The following SLC28A1 variants were observed in gnomAD, a reference collection of about 807,000 sequenced individuals.
SLC28A1 encodes solute carrier family 28 member 1.
SLC28A1 carries 64 observed loss-of-function variants against 74.8 expected under a neutral mutation model. The observed-to-expected ratio is 0.86, with a 90% CI of 0.70 to 1.05. The LOEUF (loss-of-function observed/expected upper bound fraction) is 1.05, where lower values mean the gene tolerates loss of function less well. Among genes scored for constraint, SLC28A1 ranks in the 50% least tolerant of loss-of-function variants. The pLI is 0.00. For missense variants in SLC28A1, 828 were observed against 822.8 expected, an observed-to-expected ratio of 1.01 and a Z score of -0.08; for synonymous variants, 359 against 335.0, an observed-to-expected ratio of 1.07 and a Z score of -0.78.
At chr15:84,958,748 A>C in the SLC28A1 span, among the ~76,000 whole-genome samples, 1 of 151,746 alleles carries the variant, frequency 6.6e-6, no homozygotes, top group African/African-American at 2.4e-5. Flanking sequence ...TAGAGATGAG[A>C]TATCATTATG....
chr15:84,905,343 C>T (rs1966920250), intron 7 of SLC28A1, among the ~76,000 whole-genome samples, 196 bp from the exon 8 acceptor site: 1 of 152,184 alleles, frequency 6.6e-6, no homozygotes, highest in African/African-American at 2.4e-5. Context: ...TCCTCACTGC[C>T]CAGGCCCATT....
At chr15:84,914,408 C>CT (rs951644554) in intron 9 of SLC28A1, among the ~76,000 whole-genome samples, 17 of 152,210 alleles carry the variant, frequency 1.1e-4, no homozygotes, top group Non-Finnish European at 2.2e-4. Flanking sequence ...CATGCTGCCC[C>CT]TGAAGGCAGA....
downstream of SLC28A1, among the ~76,000 whole-genome samples, chr15:84,948,176 C>A (rs1283328345): frequency 1.3e-5 from 2 of 152,142 alleles, no homozygotes; most frequent in Non-Finnish European, 2.9e-5. Context: ...ACCTCTGCTG[C>A]CCCCTCAATT....
intron 12 of SLC28A1, 138 bp downstream of exon 12, chr15:84,924,248 C>T (rs1250839021): frequency 6.5e-6 from 7 of 1,071,030 alleles, no homozygotes; most frequent in Non-Finnish European, 9.9e-6. Flanking sequence ...GGAGTGGCTT[C>T]CCCTGAGCCC....
intron 11 of SLC28A1, 107 bp from the exon 12 acceptor site, chr15:84,923,878 T>G (rs1371633237): frequency 6.8e-7 from 1 of 1,470,326 alleles, no homozygotes; most frequent in Non-Finnish European, 9.4e-7. Context: ...TACCCCATCC[T>G]GCTGCCTCTT....
chr15:84,918,667 G>A, intron 10 of SLC28A1, 63 bp downstream of exon 10: 1 of 1,251,608 alleles, frequency 8.0e-7, no homozygotes. Flanking sequence ...GGTTCACACT[G>A]TCCCAGAATG....
chr15:84,896,822 A>C (rs1966049854), intron 6 of SLC28A1, among the ~76,000 whole-genome samples: 1 of 152,244 alleles, frequency 6.6e-6, no homozygotes. Context: ...TAAATACTGC[A>C]ATAATGATAA....
intron 12 of SLC28A1, among the ~76,000 whole-genome samples, chr15:84,929,231 C>A (rs28375890): frequency 3.3e-5 from 5 of 151,778 alleles, no homozygotes; most frequent in Non-Finnish European, 7.4e-5. Flanking sequence ...TTAATTTAAC[C>A]TATTTCTTTT....
chr15:84,932,546 C>T (rs1971442962), intron 12 of SLC28A1, among the ~76,000 whole-genome samples: 1 of 152,182 alleles, frequency 6.6e-6, no homozygotes, highest in Non-Finnish European at 1.5e-5. Flanking sequence ...GATGGGTTGG[C>T]TTGCAGTGGT....
At chr15:84,934,148 G>A (rs1298340367) in intron 13 of SLC28A1, among the ~76,000 whole-genome samples, 1 of 152,220 alleles carries the variant, frequency 6.6e-6, no homozygotes, top group East Asian at 1.9e-4. Flanking sequence ...TTCAAAATGA[G>A]TTTCCGAAGG....
intron 3 of SLC28A1, among the ~76,000 whole-genome samples, chr15:84,888,526 C>A (rs1296503944): frequency 1.6e-4 from 24 of 152,208 alleles, no homozygotes; most frequent in Admixed American, 1.6e-3. Context: ...AGCTGGGCCG[C>A]AGGTGTCTGT....
At chr15:84,941,168 C>G (rs1450554604) in intron 15 of SLC28A1, 1 of 152,310 alleles carries the variant, frequency 6.6e-6, no homozygotes, top group Non-Finnish European at 1.5e-5. Context: ...CACAGAGTCA[C>G]CCAGTGCCTG....
At chr15:84,964,114 C>T in the SLC28A1 span, among the ~76,000 whole-genome samples, 2 of 152,228 alleles carry the variant, frequency 1.3e-5, no homozygotes, top group Non-Finnish European at 2.9e-5. Flanking sequence ...GTCTTGGCCC[C>T]TGTCATACCT....
At chr15:84,904,259 C>T (rs1966856279) in intron 7 of SLC28A1, 21 bp downstream of exon 7, 1 of 1,613,186 alleles carries the variant, frequency 6.2e-7, no homozygotes, top group Non-Finnish European at 8.5e-7. Context: ...GTTGTGGGGC[C>T]CAGGGCTGGA....
At chr15:84,934,192 C>T (rs921988674) in intron 13 of SLC28A1, among the ~76,000 whole-genome samples, 3 of 152,204 alleles carry the variant, frequency 2.0e-5, no homozygotes, top group Admixed American at 6.5e-5. Flanking sequence ...TGCAAAAATG[C>T]GCACTCCAGT....
chr15:84,901,831 A>G (rs893353778), intron 6 of SLC28A1, among the ~76,000 whole-genome samples: 2 of 152,226 alleles, frequency 1.3e-5, no homozygotes, highest in African/African-American at 4.8e-5. Context: ...CATGTAATCT[A>G]CCTATTTCAC....
intron 6 of SLC28A1, among the ~76,000 whole-genome samples, chr15:84,901,829 C>T (rs1310015469): frequency 6.6e-6 from 1 of 152,218 alleles, no homozygotes; most frequent in African/African-American, 2.4e-5. Context: ...ATCATGTAAT[C>T]TACCTATTTC....
downstream of SLC28A1, among the ~76,000 whole-genome samples, chr15:84,949,162 C>T (rs2079330608): frequency 6.6e-6 from 1 of 152,176 alleles, no homozygotes; most frequent in Non-Finnish European, 1.5e-5. Context: ...CCTCACATAA[C>T]ACATAGCAGG....
At chr15:84,886,820 G>T in intron 2 of SLC28A1, 33 bp downstream of exon 2, 6 of 952,554 alleles carry the variant, frequency 6.3e-6, no homozygotes, top group Non-Finnish European at 7.5e-6. Flanking sequence ...TTCTGTGTGC[G>T]CTGCTGTGCG....
Sources: allele counts gnomAD v4.1 joint callset (sites outside exome capture counted in the v4.1 genomes callset), GRCh38; gene constraint gnomAD v4.1.1; transcripts MANE v1.5; gene names NCBI Gene and HGNC (gene_info 2026-07-23, HGNC 2026-07-21).